ATP10B: variants seen among roughly 807,000 people sequenced by gnomAD.
The protein encoded by ATP10B is ATPase phospholipid transporting 10B (putative).
Under a neutral mutation model 141.2 loss-of-function variants are expected in ATP10B, and 122 were observed. The observed-to-expected ratio is 0.86, with a 90% confidence interval of 0.75 to 1.00. ATP10B has a LOEUF of 1.00. ATP10B is among the 50% of genes least tolerant of loss of function. The pLI, the probability that ATP10B is intolerant of heterozygous loss-of-function variation, is 0.00. For synonymous variants in ATP10B, 685 were observed against 692.0 expected, an observed-to-expected ratio of 0.99 and a Z score of 0.16; for missense variants, 1,876 against 1,825.3, an observed-to-expected ratio of 1.03 and a Z score of -0.51.
chr5:160,925,333 T>TATC, the ATP10B span, among the ~76,000 whole-genome samples: 34 of 152,232 alleles, frequency 2.2e-4, no homozygotes, highest in Non-Finnish European at 4.6e-4. Flanking sequence ...ATTATGGACC[T>TATC]ATCACTATTT....
chr5:160,757,180 ATTAT>A lies in ATP10B; in HGVS notation c.-331+28375_-331+28378del, dbSNP rs1768679428. 3.3e-5 allele frequency among the ~76,000 whole-genome samples: 5 copies of A among 152,232 alleles called. No homozygotes were observed. In the South Asian group the frequency reaches 1.0e-3, roughly 32 times the overall value. On this transcript the variant is annotated intron_variant, in intron 2 of 25. Transcript: ENST00000327245. The stretch of plus-strand genomic sequence containing the variant: ...CATATGACTATTCAATTGTTTCAAC[ATTAT>A]TTATCAAAAAGATTATCCTTTTCCC...
At chr5:160,928,398 G>C in the ATP10B span, among the ~76,000 whole-genome samples, 1 of 152,144 alleles carries the variant, frequency 6.6e-6, no homozygotes, top group African/African-American at 2.4e-5. Flanking sequence ...CGTCACCTCT[G>C]TTCTGCCTGG....
At chr5:160,785,449 T>G (rs1771068519) in intron 2 of ATP10B, 110 bp downstream of exon 2, 1 of 330,796 alleles carries the variant, frequency 3.0e-6, no homozygotes, top group Non-Finnish European at 5.9e-6. Context: ...GTTTTGTTTT[T>G]TTAATTTAGA....
At chr5:160,625,337 T>C (rs763605774) in intron 13 of ATP10B, among the ~76,000 whole-genome samples, 1 of 152,228 alleles carries the variant, frequency 6.6e-6, no homozygotes, top group Non-Finnish European at 1.5e-5. Flanking sequence ...TTTGTATATC[T>C]AATCCTTAAG....
rs776335695 is a variant in ATP10B at position 160,640,488 on chromosome 5, T to G, written c.973A>C (p.Ile325Leu). 1.9e-5 allele frequency: 31 copies of G among 1,614,000 alleles called. No individual in the cohort carries two copies. In the South Asian group the frequency reaches 2.1e-4, roughly 11 times the overall value. Residue 325 changes from isoleucine (I) to leucine (L), a missense_variant, in exon 10 of 26, where the codon ATC becomes CTC. Physicochemically the swap from Ile to Leu is conservative, Grantham distance 5. Coordinates refer to ENST00000327245, the MANE Select transcript of ATP10B (RefSeq NM_025153.3). ...IDIFFCIGIL[I>L]LMCLIGAVGH... ...ACAGCTCCAATAAGGCACATGAGGA[T>G]GAGGATCCCAATGCAGAAGAAGATG...
intron 3 of ATP10B, among the ~76,000 whole-genome samples, chr5:160,704,171 C>G (rs1193587649): frequency 6.6e-6 from 1 of 152,158 alleles, no homozygotes; most frequent in Non-Finnish European, 1.5e-5. Flanking sequence ...CTCGCCTCAG[C>G]CTCTTTAGTA....
At chr5:160,758,716 T>A (rs1768814777) in intron 2 of ATP10B, among the ~76,000 whole-genome samples, 1 of 152,190 alleles carries the variant, frequency 6.6e-6, no homozygotes, top group Non-Finnish European at 1.5e-5. Context: ...GGGTCCCTTT[T>A]GGGGCCTGGT....
intron 1 of ATP10B, among the ~76,000 whole-genome samples, chr5:160,814,128 AAGG>A (rs1773399848): frequency 6.6e-6 from 1 of 152,216 alleles, no homozygotes; most frequent in South Asian, 2.1e-4. Flanking sequence ...ACAAAGCTGG[AAGG>A]AGAATGACTT....
At chr5:160,837,369 G>C (rs920773887) in intron 1 of ATP10B, among the ~76,000 whole-genome samples, 1 of 152,082 alleles carries the variant, frequency 6.6e-6, no homozygotes, top group Non-Finnish European at 1.5e-5. Context: ...ATTCCTCTTA[G>C]TACCTGGCAT....
intron 1 of ATP10B, 113 bp from the exon 2 acceptor site, chr5:160,785,916 A>G (rs1771113166): frequency 4.3e-6 from 1 of 230,272 alleles, no homozygotes; most frequent in Non-Finnish European, 8.6e-6. Flanking sequence ...AGCTTTAGAC[A>G]CACTTTATAG....
chr5:160,602,012 G>C (rs904275992), intron 21 of ATP10B, among the ~76,000 whole-genome samples: 1 of 152,162 alleles, frequency 6.6e-6, no homozygotes, highest in Non-Finnish European at 1.5e-5. Flanking sequence ...TCTATATACA[G>C]AGGAAATCTG....
rs746647188 is a variant in ATP10B at position 160,640,550 on chromosome 5, T to C, written c.911A>G (p.Tyr304Cys). The C allele has an allele frequency of 4.3e-6, 7 of 1,614,182 alleles. No individual in the cohort carries two copies. In the East Asian group the frequency reaches 6.7e-5, roughly 15 times the overall value. Residue 304 changes from tyrosine to cysteine, a missense_variant, in exon 10 of 26, where the codon TAC (tyrosine) becomes TGC (cysteine). Coordinates refer to ENST00000327245, the MANE Select transcript of ATP10B (RefSeq NM_025153.3). ...GCGCCGCTCAATCTTGCTGCGTTTG[T>C]ACCGGGGGCCACTGTTGTTCAGCAT... is the stretch of plus-strand genomic sequence containing the variant. ...KAMLNNSGPR[Y>C]KRSKIERRMN...
At chr5:160,689,767 A>C (rs1763962981) in intron 3 of ATP10B, among the ~76,000 whole-genome samples, 1 of 152,196 alleles carries the variant, frequency 6.6e-6, no homozygotes, top group Admixed American at 6.5e-5. Flanking sequence ...ATATCGTGAA[A>C]ATGGCCATAC....
the ATP10B span, among the ~76,000 whole-genome samples, chr5:160,908,485 T>C: frequency 6.6e-6 from 1 of 152,208 alleles, no homozygotes; most frequent in Non-Finnish European, 1.5e-5. Flanking sequence ...AGAATCCAAA[T>C]GTTTATGTTT....
intron 9 of ATP10B, 144 bp downstream of exon 9, chr5:160,643,994 C>T (rs190177421): frequency 9.9e-5 from 65 of 656,680 alleles, no homozygotes; most frequent in South Asian, 1.2e-4. Context: ...TCCCAGCCTC[C>T]GTTTGCTTAG....
At chr5:160,929,227 A>C in the ATP10B span, among the ~76,000 whole-genome samples, 1 of 151,804 alleles carries the variant, frequency 6.6e-6, no homozygotes, top group Non-Finnish European at 1.5e-5. Context: ...CTTACCTCCT[A>C]CCTCCTTGGT....
At chr5:160,802,013 T>C (rs553958560) in intron 1 of ATP10B, among the ~76,000 whole-genome samples, 2 of 152,278 alleles carry the variant, frequency 1.3e-5, no homozygotes, top group Admixed American at 1.3e-4. Context: ...TTTGCCAGCA[T>C]AGTAGAGTTC....
intron 25 of ATP10B, among the ~76,000 whole-genome samples, chr5:160,567,694 A>G (rs913315163): frequency 5.9e-5 from 9 of 152,086 alleles, no homozygotes; most frequent in Admixed American, 5.2e-4. Flanking sequence ...TGATAAGAGT[A>G]GGGGAATATG....
intron 1 of ATP10B, among the ~76,000 whole-genome samples, chr5:160,813,160 G>A (rs887990133): frequency 3.9e-5 from 6 of 152,238 alleles, no homozygotes; most frequent in Admixed American, 1.3e-4. Context: ...GCAGTGCACC[G>A]AGCATGAGCC....
Sources: allele counts gnomAD v4.1 joint callset (sites outside exome capture counted in the v4.1 genomes callset), GRCh38; gene constraint gnomAD v4.1.1; transcripts MANE v1.5; gene names NCBI Gene and HGNC (gene_info 2026-07-23, HGNC 2026-07-21).